Variants in GABRB2 observed in about 807,000 individuals in gnomAD.
The protein encoded by GABRB2 is gamma-aminobutyric acid type A receptor subunit beta2.
GABRB2 carries 16 observed loss-of-function variants against 54.7 expected under a neutral mutation model. The ratio of observed to expected loss-of-function variants is 0.29; its 90% CI spans 0.20 to 0.44. The LOEUF (loss-of-function observed/expected upper bound fraction) is 0.44, where lower values mean the gene tolerates loss of function less well. GABRB2 is among the 20% of genes least tolerant of loss of function. The pLI is 1.00. For missense variants in GABRB2, 355 were observed against 644.0 expected (o/e 0.55, Z 4.86); for synonymous variants, 244 against 233.8 (o/e 1.04, Z -0.40).
intron 8 of GABRB2, among the ~76,000 whole-genome samples, chr5:161,327,593 G>A (rs1387444248): frequency 6.6e-6 from 1 of 152,028 alleles, no homozygotes; most frequent in Non-Finnish European, 1.5e-5. Flanking sequence ...ACATTTAAGA[G>A]ACGCTAATAC....
intron 5 of GABRB2, among the ~76,000 whole-genome samples, chr5:161,375,794 A>T (rs551274581): frequency 3.2e-4 from 49 of 152,268 alleles, no homozygotes; most frequent in African/African-American, 1.1e-3. Context: ...AAAAATACTC[A>T]ATGGGTGTTA....
chr5:161,512,990 A>G (rs57248301), intron 3 of GABRB2, among the ~76,000 whole-genome samples: 30,990 of 151,810 alleles, frequency 0.2, 3,603 homozygotes, highest in Non-Finnish European at 0.27. Flanking sequence ...TACAAATCAA[A>G]ACCACAGTGA....
At chr5:161,452,758 C>T (rs890481379) in intron 4 of GABRB2, among the ~76,000 whole-genome samples, 1 of 152,076 alleles carries the variant, frequency 6.6e-6, no homozygotes, top group African/African-American at 2.4e-5. Flanking sequence ...CTTTGGGAAG[C>T]CGAGGCAGGT....
At chr5:161,482,569 T>C (rs1236638169) in intron 3 of GABRB2, among the ~76,000 whole-genome samples, 1 of 152,082 alleles carries the variant, frequency 6.6e-6, no homozygotes, top group Non-Finnish European at 1.5e-5. Flanking sequence ...CCCAATATAG[T>C]GTTAAATCCA....
chr5:161,336,156 G>A (rs1753984225), intron 6 of GABRB2, among the ~76,000 whole-genome samples: 1 of 152,168 alleles, frequency 6.6e-6, no homozygotes, highest in South Asian at 2.1e-4. Context: ...AGCTCACACA[G>A]GAGGTGAAAC....
intron 4 of GABRB2, among the ~76,000 whole-genome samples, chr5:161,420,405 C>T (rs939112153): frequency 7.2e-5 from 11 of 152,172 alleles, no homozygotes; most frequent in African/African-American, 2.4e-4. Flanking sequence ...TTTTCAGTTC[C>T]ACAATCTACC....
chr5:161,301,808 T>C (rs1169069078), intron 9 of GABRB2, among the ~76,000 whole-genome samples: 1 of 151,720 alleles, frequency 6.6e-6, no homozygotes, highest in Non-Finnish European at 1.5e-5. Context: ...GAGGCTCTAT[T>C]AAGCATGCCA....
At chr5:161,354,006 T>C (rs1754544954) in intron 5 of GABRB2, among the ~76,000 whole-genome samples, 1 of 152,014 alleles carries the variant, frequency 6.6e-6, no homozygotes, top group Admixed American at 6.6e-5. Context: ...CACAAATGGT[T>C]TCTACGATGA....
intron 3 of GABRB2, among the ~76,000 whole-genome samples, chr5:161,517,941 C>A (rs567477168): frequency 2.6e-5 from 4 of 151,886 alleles, no homozygotes; most frequent in Non-Finnish European, 5.9e-5. Flanking sequence ...GGACTACAGG[C>A]GCCCGCCACC....
chr5:161,375,719 A>G (rs1184676081), intron 5 of GABRB2, among the ~76,000 whole-genome samples: 1 of 152,186 alleles, frequency 6.6e-6, no homozygotes, highest in African/African-American at 2.4e-5. Context: ...CATACTTAAG[A>G]CAGGGGAAAC....
intron 3 of GABRB2, among the ~76,000 whole-genome samples, chr5:161,496,487 T>C (rs1400213984): frequency 6.6e-6 from 1 of 151,142 alleles, no homozygotes; most frequent in Non-Finnish European, 1.5e-5. Context: ...TAGTTATCTG[T>C]CAAATTAAAA....
At chr5:161,313,800 C>T (rs1212704885) in intron 9 of GABRB2, among the ~76,000 whole-genome samples, 1 of 152,162 alleles carries the variant, frequency 6.6e-6, no homozygotes, top group Admixed American at 6.5e-5. Context: ...GCTTTCCTAT[C>T]CTCACATAGT....
At position 161,429,589 on chromosome 5, in the gene GABRB2, C is replaced by A. The variant is rs76742331; in HGVS notation, c.459-18532G>T. On this transcript the variant is annotated intron_variant, in intron 4 of 9. Transcript: ENST00000393959. ...TGAATAGGTCAACTTGACTGGTAAG[C>A]AAATGTGTTGAGATTTAAACCTGGT... Among the ~76,000 whole-genome samples, 112 of 152,068 alleles carry A rather than the reference C, an allele frequency of 7.4e-4. 1 individual carries two copies. In the East Asian group the frequency reaches 0.02, roughly 27 times the overall value.
At chr5:161,369,712 G>A (rs1459513974) in intron 5 of GABRB2, among the ~76,000 whole-genome samples, 2 of 152,056 alleles carry the variant, frequency 1.3e-5, no homozygotes, top group Admixed American at 1.3e-4. Flanking sequence ...TTTCATAACA[G>A]GTTTGCTATA....
At chr5:161,463,576 T>G (rs867453439) in intron 3 of GABRB2, among the ~76,000 whole-genome samples, 4,088 of 122,750 alleles carry the variant, frequency 0.033, 176 homozygotes, top group Middle Eastern at 0.053. Context: ...TATATATATA[T>G]ATATATATAT....
At chr5:161,542,995 G>T (rs1760865917) in intron 3 of GABRB2, among the ~76,000 whole-genome samples, 1 of 152,178 alleles carries the variant, frequency 6.6e-6, no homozygotes, top group Non-Finnish European at 1.5e-5. Context: ...ATAATTTTAG[G>T]TTATTAAGGT....
rs187484820 is a variant in GABRB2, at chr5:161,541,287, C to T, written c.237+3940G>A. ...GGTTTTCCATTTCTAGAGCACAGGCCGAGTAGATTTAGCATCATTCTTAAG... is the reference window on the plus strand; with the variant it reads ...GGTTTTCCATTTCTAGAGCACAGGCTGAGTAGATTTAGCATCATTCTTAAG... On this transcript the variant is annotated intron_variant, in intron 3 of 9. Transcript: ENST00000393959. Among the ~76,000 whole-genome samples, 146 of 151,884 alleles carry T rather than the reference C, an allele frequency of 9.6e-4. 1 individual carries two copies. Among genetic ancestry groups the T allele is most frequent in the African/African-American group, 3.2e-3 (132 of 41,376 alleles).
chr5:161,520,763 A>G (rs1760089336), intron 3 of GABRB2, among the ~76,000 whole-genome samples: 1 of 152,074 alleles, frequency 6.6e-6, no homozygotes, highest in Non-Finnish European at 1.5e-5. Context: ...CTAATCCCAG[A>G]AAAGAAATTC....
At chr5:161,522,275 A>C (rs759480574) in intron 3 of GABRB2, among the ~76,000 whole-genome samples, 15 of 151,814 alleles carry the variant, frequency 9.9e-5, no homozygotes, top group Non-Finnish European at 1.8e-4. Context: ...TTTTGCATTT[A>C]GCTTTTCAAT....
Sources: gnomAD v4.1 joint callset for allele counts (sites outside exome capture counted in the v4.1 genomes callset) on GRCh38, gnomAD v4.1.1 for gene constraint, MANE v1.5 for transcripts, NCBI Gene and HGNC (gene_info 2026-07-23, HGNC 2026-07-21) for gene names.